SLC60A1: variants seen among roughly 807,000 people sequenced by gnomAD.
SLC60A1 encodes major facilitator superfamily domain containing 4.
chr1:205,569,171 C>G, the SLC60A1 span: 1 of 1,543,346 alleles, frequency 6.5e-7, no homozygotes, highest in Admixed American at 2.0e-5. Context: ...GCATCGCCTT[C>G]CTGGGGCCCA....
chr1:205,586,259 C>G, the SLC60A1 span: 1 of 1,598,162 alleles, frequency 6.3e-7, no homozygotes, highest in Non-Finnish European at 8.5e-7. Context: ...GGAGAAGCCG[C>G]CTCCTCCTGG....
the SLC60A1 span, chr1:205,597,870 G>A: frequency 2.5e-6 from 4 of 1,612,806 alleles, no homozygotes; most frequent in Admixed American, 6.7e-5. Context: ...GACCTGTAAG[G>A]GAGAGGGGAG....
chr1:205,597,902 A>T, the SLC60A1 span: 1 of 1,566,622 alleles, frequency 6.4e-7, no homozygotes, highest in Non-Finnish European at 8.8e-7. Context: ...CACTCCTCTG[A>T]CAGGTGAGAA....
chr1:205,598,222 C>A, the SLC60A1 span: 55 of 185,034 alleles, frequency 3.0e-4, no homozygotes, highest in South Asian at 5.9e-3. Context: ...CCCTACCCCA[C>A]CTCTCACAGC....
chr1:205,594,484 C>T, the SLC60A1 span, among the ~76,000 whole-genome samples: 1 of 151,954 alleles, frequency 6.6e-6, no homozygotes, highest in Non-Finnish European at 1.5e-5. Context: ...AGTGAAACCC[C>T]AGCTCTACTA....
chr1:205,584,191 A>T, the SLC60A1 span: 1 of 1,417,250 alleles, frequency 7.1e-7, no homozygotes, highest in Non-Finnish European at 9.6e-7. Context: ...CCCCTCTCCC[A>T]GAGAGAGTGA....
chr1:205,597,373 G>GTTTTTTTTTT, the SLC60A1 span, among the ~76,000 whole-genome samples: 4 of 37,246 alleles, frequency 1.1e-4, no homozygotes, highest in Non-Finnish European at 2.1e-4. Flanking sequence ...AACCTAGGTT[G>GTTTTTTTTTT]TTTTTTTTTT....
chr1:205,569,716 C>T, the SLC60A1 span, among the ~76,000 whole-genome samples: 1 of 152,010 alleles, frequency 6.6e-6, no homozygotes, highest in African/African-American at 2.4e-5. Flanking sequence ...CTGCCGGGGG[C>T]GGGATTGGCA....
chr1:205,592,072 T>TG, the SLC60A1 span: 1 of 1,592,356 alleles, frequency 6.3e-7, no homozygotes, highest in Non-Finnish European at 8.6e-7. Context: ...CGCCGACTCC[T>TG]GGCGGTTCCT....
At chr1:205,580,538 G>T in the SLC60A1 span, 1 of 1,291,094 alleles carries the variant, frequency 7.7e-7, no homozygotes, top group Non-Finnish European at 1.1e-6. This position sits in a 1 kb window ranked among gnomAD's most constrained non-coding sequence, Gnocchi z 5.0. Flanking sequence ...CCCTACATGG[G>T]GCAGAGGGTG....
chr1:205,569,410 C>A, the SLC60A1 span: 1 of 685,974 alleles, frequency 1.5e-6, no homozygotes, highest in Non-Finnish European at 1.9e-6. Flanking sequence ...CCCCGTGGGG[C>A]TGCCCGTCGC....
chr1:205,575,567 G>C, the SLC60A1 span, among the ~76,000 whole-genome samples: 1 of 152,310 alleles, frequency 6.6e-6, no homozygotes, highest in African/African-American at 2.4e-5. Flanking sequence ...TCAAGGCAAG[G>C]CCAGGTCAAA....
chr1:205,587,684 A>C, the SLC60A1 span, among the ~76,000 whole-genome samples: 4 of 152,120 alleles, frequency 2.6e-5, no homozygotes, highest in African/African-American at 9.7e-5. Flanking sequence ...TAACCGAGTG[A>C]GGAAGGCCCT....
At chr1:205,583,953 A>C in the SLC60A1 span, 1 of 1,612,474 alleles carries the variant, frequency 6.2e-7, no homozygotes, top group Non-Finnish European at 8.5e-7. Flanking sequence ...CCTGCTCCCC[A>C]GCTTCCAGTG....
the SLC60A1 span, chr1:205,585,018 T>C: frequency 1.3e-6 from 2 of 1,583,872 alleles, no homozygotes; most frequent in Middle Eastern, 3.3e-4. This position sits in a 1 kb window ranked among gnomAD's most constrained non-coding sequence, Gnocchi z 4.2. Flanking sequence ...GGGCGCCCCC[T>C]ACTGGGGGAC....
the SLC60A1 span, among the ~76,000 whole-genome samples, chr1:205,572,045 G>T: frequency 1.3e-5 from 2 of 152,192 alleles, no homozygotes; most frequent in African/African-American, 4.8e-5. Flanking sequence ...TGCCTCCATA[G>T]GGATGTGCTT....
chr1:205,584,548 T>A, the SLC60A1 span, among the ~76,000 whole-genome samples: 64,364 of 111,302 alleles, frequency 0.58, 18,472 homozygotes, highest in East Asian at 0.76. Flanking sequence ...TTTTTTTTTT[T>A]AAAAAAAAAA....
the SLC60A1 span, chr1:205,583,885 G>T: frequency 1.3e-6 from 2 of 1,544,960 alleles, no homozygotes; most frequent in Non-Finnish European, 1.7e-6. Context: ...CATGCAGTGT[G>T]TGCAGAGGCC....
the SLC60A1 span, among the ~76,000 whole-genome samples, chr1:205,589,322 T>C: frequency 2.2e-4 from 34 of 152,148 alleles, 2 homozygotes; most frequent in South Asian, 2.5e-3. Context: ...GGAGGCTAAC[T>C]TGGGGGGAGC....
Sources: allele counts gnomAD v4.1 joint callset (sites outside exome capture counted in the v4.1 genomes callset), GRCh38; gene constraint gnomAD v4.1.1; non-coding constraint Gnocchi (gnomAD v3.1); transcripts MANE v1.5; gene names NCBI Gene and HGNC (gene_info 2026-07-23, HGNC 2026-07-21).